TRNAU1AP: variants seen among roughly 807,000 people sequenced by gnomAD.
The protein encoded by TRNAU1AP is tRNA selenocysteine 1 associated protein 1, also known as tRNA selenocysteine 1-associated protein 1.
Under a neutral mutation model 43.3 loss-of-function variants are expected in TRNAU1AP, and 33 were observed. The observed-to-expected ratio is 0.76, with a 90% CI of 0.58 to 1.02. TRNAU1AP has a LOEUF of 1.02. Ranked by LOEUF, TRNAU1AP falls within the 50% of genes least tolerant of loss-of-function variation. The pLI, the probability that TRNAU1AP is intolerant of heterozygous loss-of-function variation, is 0.00. For missense variants in TRNAU1AP, 290 were observed against 362.7 expected, an observed-to-expected ratio of 0.80 and a Z score of 1.63; for synonymous variants, 143 against 129.1, an observed-to-expected ratio of 1.11 and a Z score of -0.73.
chr1:28,559,419 G>A (rs755849093), intron 2 of TRNAU1AP, among the ~76,000 whole-genome samples: 6 of 151,984 alleles, frequency 3.9e-5, no homozygotes, highest in East Asian at 1.9e-4. Flanking sequence ...ACCTGAGGTC[G>A]GGAGTTCAAG....
At chr1:28,561,597 C>T (rs962586643) in intron 4 of TRNAU1AP, among the ~76,000 whole-genome samples, 199 bp downstream of exon 4, 1 of 152,200 alleles carries the variant, frequency 6.6e-6, no homozygotes, top group Admixed American at 6.6e-5. Flanking sequence ...CTGCCCCTGG[C>T]TTCCTACCCT....
intron 4 of TRNAU1AP, 73 bp from the exon 5 acceptor site, chr1:28,564,630 G>C: frequency 6.5e-7 from 1 of 1,544,638 alleles, no homozygotes; most frequent in Non-Finnish European, 8.7e-7. Flanking sequence ...GGTTTACCTG[G>C]AATATGCAAA....
intron 2 of TRNAU1AP, among the ~76,000 whole-genome samples, chr1:28,560,371 T>C (rs1249466848): frequency 1.3e-5 from 2 of 148,156 alleles, no homozygotes; most frequent in Non-Finnish European, 3.0e-5. Context: ...AACCTCCACC[T>C]CCTGGGTTAC....
chr1:28,575,591 T>A (rs1202840855), intron 8 of TRNAU1AP, among the ~76,000 whole-genome samples: 1 of 150,320 alleles, frequency 6.7e-6, no homozygotes, highest in Non-Finnish European at 1.5e-5. Flanking sequence ...GCCTCCCGAG[T>A]AGCTGGGATT....
chr1:28,575,277 C>T (rs1665749202), intron 8 of TRNAU1AP, among the ~76,000 whole-genome samples: 1 of 152,050 alleles, frequency 6.6e-6, no homozygotes, highest in Admixed American at 6.6e-5. Context: ...GCCTCATCCT[C>T]CTGAATAGCT....
chr1:28,566,795 C>T (rs575453912), intron 5 of TRNAU1AP, among the ~76,000 whole-genome samples: 24 of 151,742 alleles, frequency 1.6e-4, no homozygotes, highest in African/African-American at 3.4e-4. Flanking sequence ...AAATGCTCTG[C>T]GCAGTGCTAG....
chr1:28,577,599 T>C lies in TRNAU1AP; in HGVS notation c.827T>C (p.Leu276Pro). ...DALMDCHWQP[L>P]DTVSSEIPAM... ...CTGATGGACTGTCACTGGCAGCCCC[T>C]GGACACAGTGTCTTCAGAGATCCCT... Residue 276 changes from leucine (L) to proline (P), a missense_variant, in exon 9 of 9, where the codon CTG (leucine) becomes CCG (proline). Leu to Pro is a moderately conservative substitution (Grantham distance 98, BLOSUM62 -3). Coordinates refer to ENST00000373830, the MANE Select transcript of TRNAU1AP (RefSeq NM_017846.5). The C allele has an allele frequency of 6.2e-7, 1 of 1,614,168 alleles. No homozygotes were observed. The highest frequency in any genetic ancestry group is 8.5e-7 in the Non-Finnish European group (1 of 1,180,024).
chr1:28,573,945 A>G (rs1383732328), intron 8 of TRNAU1AP, among the ~76,000 whole-genome samples: 1 of 152,002 alleles, frequency 6.6e-6, no homozygotes, highest in Non-Finnish European at 1.5e-5. Flanking sequence ...CTCAAAAAAA[A>G]AAACAACAGT....
intron 2 of TRNAU1AP, chr1:28,553,999 A>T (rs866635990): frequency 7.5e-5 from 23 of 308,320 alleles, no homozygotes; most frequent in Admixed American, 2.9e-4. Flanking sequence ...GGAGTTTGAG[A>T]CCAGCCTGGC....
In TRNAU1AP at chr1:28,571,676, A is replaced by G. The variant is rs186150740; in HGVS notation, c.694-191A>G. ...CAGGCGCCTATAATCCCAGCTGCTC[A>G]GGAGACTGAGGCAGGAGAATCTCTT... is the stretch of plus-strand genomic sequence containing the variant. On this transcript the variant is annotated intron_variant, in intron 7 of 8. Coordinates refer to ENST00000373830, the MANE Select transcript of TRNAU1AP (RefSeq NM_017846.5). 4.3e-3 allele frequency among the ~76,000 whole-genome samples: 656 copies of G among 152,068 alleles called. 8 individuals carry two copies. Among genetic ancestry groups the G allele is most frequent in the African/African-American group, 0.014 (581 of 41,530 alleles).
rs531735294 is a variant in TRNAU1AP at position 28,576,444 on chromosome 1, G to A, written c.728-1056G>A. Among the ~76,000 whole-genome samples the A allele has an allele frequency of 8.0e-5, 12 of 150,512 alleles. No homozygotes were observed. The East Asian group carries it at 1.8e-3, about 22-fold the overall frequency. On this transcript the variant is annotated intron_variant, in intron 8 of 8. Transcript: ENST00000373830. ...AGCGATTCTCCTGCCTCAGCCTCCC[G>A]AGTAGCTGGGACTACAGGTGCCTGC...
In TRNAU1AP at chr1:28,553,700, G is replaced by T; in HGVS notation, c.88G>T (p.Val30Leu). The T allele has an allele frequency of 6.2e-7, 1 of 1,614,158 alleles. No homozygotes were observed. The highest frequency in any genetic ancestry group is 8.5e-7 in the Non-Finnish European group (1 of 1,180,032). The change falls in exon 2 of 9, where the codon GTA (valine) becomes TTA (leucine). Residue 30 changes from valine (V) to leucine (L), a missense_variant. Val to Leu is a conservative substitution (Grantham distance 32). This residue lies in a region of TRNAU1AP where 59 missense variants were observed against 45.5 expected (regional missense o/e 1.30). Coordinates refer to ENST00000373830, the MANE Select transcript of TRNAU1AP (RefSeq NM_017846.5). Reference protein sequence around the residue: ...SRAFATMGETVMSVKIIRNRL... With the variant: ...SRAFATMGETLMSVKIIRNRL... ...AGCCTTTGCCACCATGGGGGAGACC[G>T]TAATGAGCGTCAAAATTATCCGAAA...
chr1:28,565,487 TAAA>T (rs61222018), intron 5 of TRNAU1AP: 6 of 134,058 alleles, frequency 4.5e-5, no homozygotes, highest in Non-Finnish European at 4.8e-5. Context: ...TCTGTCTCCA[TAAA>T]AAAAAAAAAA....
chr1:28,563,186 G>A (rs1416976767), intron 4 of TRNAU1AP, among the ~76,000 whole-genome samples: 2 of 151,704 alleles, frequency 1.3e-5, no homozygotes, highest in East Asian at 1.9e-4. Flanking sequence ...GAGCCACTGC[G>A]CCTGGCCTTG....
intron 5 of TRNAU1AP, chr1:28,565,333 A>C: frequency 6.4e-6 from 1 of 156,706 alleles, no homozygotes; most frequent in Non-Finnish European, 1.4e-5. Context: ...AAAATACAAA[A>C]AATTAGCCGG....
intron 4 of TRNAU1AP, among the ~76,000 whole-genome samples, chr1:28,563,307 T>G (rs976566010): frequency 1.3e-5 from 2 of 151,794 alleles, no homozygotes; most frequent in Admixed American, 6.6e-5. Flanking sequence ...CCCAGCACTT[T>G]GGGAGGCTGA....
At chr1:28,575,577 C>G (rs1665758938) in intron 8 of TRNAU1AP, among the ~76,000 whole-genome samples, 1 of 151,368 alleles carries the variant, frequency 6.6e-6, no homozygotes, top group East Asian at 1.9e-4. Context: ...ATTCTTCTGC[C>G]TCAGCCTCCC....
intron 4 of TRNAU1AP, among the ~76,000 whole-genome samples, chr1:28,563,950 T>G (rs748458184): frequency 4.6e-5 from 7 of 152,066 alleles, no homozygotes; most frequent in Non-Finnish European, 8.8e-5. Context: ...TTGGCCTGAT[T>G]TGTATCACCC....
At position 28,564,690 on chromosome 1, in the gene TRNAU1AP, T is replaced by G; in HGVS notation, c.279-13T>G. ...GGTCTTTGCCTCTGAATCTTCTTGTTCTCTCTCCTCAGCCCTGAGTATTCC... is the reference window on the plus strand; with the variant it reads ...GGTCTTTGCCTCTGAATCTTCTTGTGCTCTCTCCTCAGCCCTGAGTATTCC... On this transcript the variant is annotated splice_polypyrimidine_tract_variant and intron_variant, in intron 4 of 8. Coordinates refer to ENST00000373830, the MANE Select transcript of TRNAU1AP (RefSeq NM_017846.5). The G allele has an allele frequency of 1.2e-6, 2 of 1,607,104 alleles. No homozygotes were observed. The highest frequency in any genetic ancestry group is 1.7e-6 in the Non-Finnish European group (2 of 1,177,120).
Sources: gnomAD v4.1 joint callset for allele counts (sites outside exome capture counted in the v4.1 genomes callset) on GRCh38, gnomAD v4.1.1 for gene constraint, gnomAD v4.1.1 regional missense constraint, MANE v1.5 for transcripts, NCBI Gene and HGNC (gene_info 2026-07-23, HGNC 2026-07-21) for gene names.